MAMDC4: variants seen among roughly 807,000 people sequenced by gnomAD.
MAMDC4 encodes the protein apical endosomal glycoprotein.
In MAMDC4, 168 loss-of-function variants were observed where a neutral mutation model predicts 153.3. The observed-to-expected ratio is 1.10, with a 90% CI of 0.97 to 1.25. MAMDC4 has a LOEUF of 1.25. Among genes scored for constraint, MAMDC4 ranks in the 50% most tolerant of loss-of-function variants. The probability of loss-of-function intolerance (pLI) is 0.00; values close to 1 mark genes in which losing one functional copy is unlikely to be tolerated. For synonymous variants in MAMDC4, 744 were observed against 651.5 expected (o/e 1.14, Z -2.16); for missense variants, 1,701 against 1,542.8 (o/e 1.10, Z -1.72).
Position 136,855,003 on chromosome 9 carries a change from G to C in MAMDC4, c.1090G>C (p.Gly364Arg). The C allele has an allele frequency of 6.2e-7, 1 of 1,602,138 alleles. No homozygotes were observed. Among genetic ancestry groups the C allele is most frequent in the Non-Finnish European group, 8.5e-7 (1 of 1,176,550 alleles). Residue 364 changes from glycine to arginine, a missense_variant, in exon 10 of 27, where the codon GGG becomes CGG. Transcript: ENST00000317446. ...CCTCCAGCTGTTCCTGCAGACTCTGGGGCCCGGCGCCCCCCGGGCCCCCGT... is the reference window on the plus strand; with the variant it reads ...CCTCCAGCTGTTCCTGCAGACTCTGCGGCCCGGCGCCCCCCGGGCCCCCGT... Reference protein sequence around the residue: ...GCLQLFLQTLGPGAPRAPVLL... With the variant: ...GCLQLFLQTLRPGAPRAPVLL...
At position 136,854,287 on chromosome 9, in the gene MAMDC4, CGGG is replaced by C. The variant is rs949391839; in HGVS notation, c.749_751del (p.Gly250del). 5.0e-6 allele frequency: 8 copies of C among 1,605,730 alleles called. No individual in the cohort carries two copies. Among genetic ancestry groups the C allele is most frequent in the Non-Finnish European group, 6.8e-6 (8 of 1,176,784 alleles). On this transcript the variant is annotated inframe_deletion, in exon 7 of 27. Transcript: ENST00000317446. ...GCGTGGAGCCCCAGCAGCTGTGCGACGGGGAAGACAACTGCGGGGACCTGTCTG... is the reference window on the plus strand; with the variant it reads ...GCGTGGAGCCCCAGCAGCTGTGCGACGAAGACAACTGCGGGGACCTGTCTG...
rs752555833 is a variant in MAMDC4 at position 136,855,751 on chromosome 9, C to T, written c.1491C>T (p.Ser497=). 6.4e-7 allele frequency: 1 copy of T among 1,572,196 alleles called. No individual in the cohort carries two copies. The highest frequency in any genetic ancestry group is 8.6e-7 in the Non-Finnish European group (1 of 1,159,848). The change falls in exon 13 of 27, where the codon TCC becomes TCT. Residue 497 remains serine, a synonymous_variant. Coordinates refer to ENST00000317446, the MANE Select transcript of MAMDC4 (RefSeq NM_206920.3). ...TTCCAGGCACCACAGACTTTGAGTC[C>T]CCCGAGGCTGGGGGCTGGGAGGACG... ...EQACGTTDFE[S]PEAGGWEDAS... is the part of the protein sequence containing the mutation.
chr9:136,856,030 C>T lies in MAMDC4; in HGVS notation c.1601C>T (p.Ser534Phe), dbSNP rs905821956. ...SSAAAAGHFL[S>F]LQRAWGQLGA... ...GCTCTTCCCCTAGGGCACTTCCTGT[C>T]TCTGCAGCGGGCCTGGGGGCAGCTA... The change falls in exon 14 of 27, where the codon TCT becomes TTT. Residue 534 changes from serine (S) to phenylalanine (F), a missense_variant. Coordinates refer to ENST00000317446, the MANE Select transcript of MAMDC4 (RefSeq NM_206920.3). The T allele has an allele frequency of 1.9e-6, 3 of 1,611,382 alleles. No individual in the cohort carries two copies. The highest frequency in any genetic ancestry group is 1.1e-5 in the South Asian group (1 of 90,922).
rs757263022 is a variant in MAMDC4, at chr9:136,854,250, A to G, written c.710A>G (p.Gln237Arg). 7 of 1,611,494 alleles carry G rather than the reference A, an allele frequency of 4.3e-6. 1 individual carries two copies. In the Admixed American group the frequency reaches 1.0e-4, roughly 23 times the overall value. The change falls in exon 7 of 27, where the codon CAG becomes CGG. Residue 237 changes from glutamine to arginine, a missense_variant. By Grantham distance (43) the Gln-to-Arg change is conservative. Transcript: ENST00000317446. ...TGTCCCCCGGGACACCACCACTGCC[A>G]GAACAAGGTCTGCGTGGAGCCCCAG... ...ANCPPGHHHC[Q>R]NKVCVEPQQL...
Position 136,858,403 on chromosome 9 carries a change from C to G in MAMDC4, c.2678C>G (p.Ser893Cys). The G allele has an allele frequency of 6.2e-7, 1 of 1,602,554 alleles. No homozygotes were observed. The highest frequency in any genetic ancestry group is 1.3e-5 in the African/African-American group (1 of 75,054). The change falls in exon 22 of 27, where the codon TCC becomes TGC. Residue 893 changes from serine (S) to cysteine (C), a missense_variant. Ser to Cys is a moderately radical substitution (Grantham distance 112, BLOSUM62 -1). Coordinates refer to ENST00000317446, the MANE Select transcript of MAMDC4 (RefSeq NM_206920.3). ...LQDGPCPQPG[S>C]CDFESGLCGW... is the part of the protein sequence containing the mutation. ...CTCACCCACCCATGTCCTGCAGGTT[C>G]CTGTGATTTTGAGTCTGGCCTGTGT...
intron 1 of MAMDC4, 134 bp from the exon 2 acceptor site, chr9:136,852,968 T>G: frequency 4.1e-6 from 3 of 723,392 alleles, no homozygotes; most frequent in Non-Finnish European, 6.9e-6. Context: ...TCCCAGCCCC[T>G]CCCTGCTCCA....
At chr9:136,857,070 C>G in intron 16 of MAMDC4, 29 bp downstream of exon 16, 5 of 1,605,030 alleles carry the variant, frequency 3.1e-6, no homozygotes, top group Non-Finnish European at 4.3e-6. Flanking sequence ...AGGGCAGAGC[C>G]TGTGGGGAGG....
Position 136,858,963 on chromosome 9 carries a change from C to T in MAMDC4, c.2957-42C>T, listed in dbSNP as rs1465615598. The T allele has an allele frequency of 2.7e-6, 4 of 1,508,082 alleles. No homozygotes were observed. In the South Asian group the frequency reaches 3.9e-5, roughly 15 times the overall value. The allele number at this position is 1,508,082 out of a possible 1,614,324, so 93.4% of individuals were successfully genotyped here. A position where few individuals can be genotyped will look rare whatever the true frequency, so the allele number is the denominator to read the frequency against. On this transcript the variant is annotated intron_variant, in intron 23 of 26. Coordinates refer to ENST00000317446, the MANE Select transcript of MAMDC4 (RefSeq NM_206920.3). ...CCGCCCCTGGTTAGGCGTGCAGGAG[C>T]CCCAGGACCCCAGGCCTGACACGCC...
Position 136,858,493 on chromosome 9 carries a change from C to A in MAMDC4, c.2768C>A (p.Thr923Asn), listed in dbSNP as rs1299319498. The change falls in exon 22 of 27, where the codon ACC becomes AAC. Residue 923 changes from threonine (T) to asparagine (N), a missense_variant. By Grantham distance (65) the Thr-to-Asn change is moderately conservative. Transcript: ENST00000317446. ...GYSWDWGGGA[T>N]PSRYPQPPVD... is the part of the protein sequence containing the mutation. ...AGCTGGGACTGGGGCGGGGGAGCCA[C>A]CCCCTCTCGTTACCCCCAGCCCCCT... 3 of 1,607,442 alleles carry A rather than the reference C, an allele frequency of 1.9e-6. No individual in the cohort carries two copies. The highest frequency in any genetic ancestry group is 2.5e-6 in the Non-Finnish European group (3 of 1,178,374).
rs1054246452 is a variant in MAMDC4 at position 136,853,366 on chromosome 9, G to A, written c.236G>A (p.Ser79Asn). The A allele has an allele frequency of 1.8e-5, 29 of 1,607,344 alleles. No homozygotes were observed. The highest frequency in any genetic ancestry group is 2.5e-5 in the Non-Finnish European group (29 of 1,175,818). ...EQDPCGWRDI[S>N]TSGYSWLRDR... Reference sequence around the variant, plus strand: ...GACCCCTGCGGCTGGCGGGACATTAGTACCTCAGGCTACAGCTGGCTCCGA... The same window carrying A: ...GACCCCTGCGGCTGGCGGGACATTAATACCTCAGGCTACAGCTGGCTCCGA... The change falls in exon 3 of 27, where the codon AGT becomes AAT. Residue 79 changes from serine (S) to asparagine (N), a missense_variant. By Grantham distance (46) the Ser-to-Asn change is conservative. Coordinates refer to ENST00000317446, the MANE Select transcript of MAMDC4 (RefSeq NM_206920.3).
Position 136,856,918 on chromosome 9 carries a change from C to A in MAMDC4, c.1849C>A (p.Leu617Ile), listed in dbSNP as rs1849013877. Residue 617 changes from leucine to isoleucine, a missense_variant, in exon 16 of 27, where the codon CTC (leucine) becomes ATC (isoleucine). By Grantham distance (5) the Leu-to-Ile change is conservative. Coordinates refer to ENST00000317446, the MANE Select transcript of MAMDC4 (RefSeq NM_206920.3). ...CATGCCCCCTGCAGGCCACTTTGTG[C>A]TCCTGGACCCCACAGACCCCCTGGC... Reference protein sequence around the residue: ...DHTTGQGHFVLLDPTDPLAWG... With the variant: ...DHTTGQGHFVILDPTDPLAWG... 2 of 1,609,358 alleles carry A rather than the reference C, an allele frequency of 1.2e-6. No homozygotes were observed. The highest frequency in any genetic ancestry group is 1.7e-6 in the Non-Finnish European group (2 of 1,177,546).
At chr9:136,859,735 T>C in intron 25 of MAMDC4, 151 bp from the exon 26 acceptor site, 1 of 748,366 alleles carries the variant, frequency 1.3e-6, no homozygotes, top group South Asian at 1.8e-5. Context: ...GCCCCATCCT[T>C]GTGGTAGCAG....
chr9:136,855,475 G>A lies in MAMDC4; in HGVS notation c.1327G>A (p.Ala443Thr). 1 of 1,604,520 alleles carries A rather than the reference G, an allele frequency of 6.2e-7. No homozygotes were observed. Among genetic ancestry groups the A allele is most frequent in the South Asian group, 1.1e-5 (1 of 90,140 alleles). ...QPLPPGPRAP[A>T]PQPLPPSSRL... ...GCTGCCTCCTGGGCCCCGGGCCCCA[G>A]CCCCCCAGCCCCTGCCGCCCAGCTC... Residue 443 changes from alanine to threonine, a missense_variant, in exon 12 of 27, where the codon GCC becomes ACC. Physicochemically the swap from Ala to Thr is moderately conservative, Grantham distance 58. Coordinates refer to ENST00000317446, the MANE Select transcript of MAMDC4 (RefSeq NM_206920.3).
At chr9:136,854,400 C>G in intron 7 of MAMDC4, 64 bp downstream of exon 7, 1 of 1,495,136 alleles carries the variant, frequency 6.7e-7, no homozygotes. Context: ...GGGGCCCTGG[C>G]ACTCATCCAG....
At chr9:136,859,643 G>A in intron 25 of MAMDC4, 1 of 598,978 alleles carries the variant, frequency 1.7e-6, no homozygotes, top group Non-Finnish European at 2.9e-6. Flanking sequence ...GCCACTGACT[G>A]CTCTCACTTG....
At chr9:136,860,532 G>GAA (rs753811450) in intron 26 of MAMDC4, 30 bp from the exon 27 acceptor site, 4 of 1,589,346 alleles carry the variant, frequency 2.5e-6, no homozygotes, top group Non-Finnish European at 3.4e-6. Flanking sequence ...AGGAAAGAAA[G>GAA]AAAAAAAAAG....
In MAMDC4 at chr9:136,853,473, A is replaced by G. The variant is rs1334532070; in HGVS notation, c.328+15A>G. 2 of 1,607,444 alleles carry G rather than the reference A, an allele frequency of 1.2e-6. No homozygotes were observed. The highest frequency in any genetic ancestry group is 1.7e-6 in the Non-Finnish European group (2 of 1,176,370). On this transcript the variant is annotated intron_variant, in intron 3 of 26. Coordinates refer to ENST00000317446, the MANE Select transcript of MAMDC4 (RefSeq NM_206920.3). ...CACCGACTTGGGTGAGGCCAGGGCA[A>G]GTCTCTGTGCGCCCCTGTCCCAATA...
rs1438316028 is a variant in MAMDC4 at position 136,859,000 on chromosome 9, C to G, written c.2957-5C>G. 1.3e-6 allele frequency: 2 copies of G among 1,518,072 alleles called. No individual in the cohort carries two copies. Among genetic ancestry groups the G allele is most frequent in the East Asian group, 2.4e-5 (1 of 41,896 alleles). 94.0% of individuals were successfully genotyped at this position (1,518,072 alleles called of 1,614,324 possible). ...AGGCCTGACACGCCCTGGCCCTGCT[C>G]TCAGACAAGGGGGAGCTGAAGGTAC... is the stretch of plus-strand genomic sequence containing the variant. On this transcript the variant is annotated splice_polypyrimidine_tract_variant and splice_region_variant and intron_variant, in intron 23 of 26. Transcript: ENST00000317446.
intron 7 of MAMDC4, 36 bp from the exon 8 acceptor site, chr9:136,854,503 G>A (rs766376604): frequency 3.2e-6 from 5 of 1,581,158 alleles, no homozygotes; most frequent in Non-Finnish European, 4.3e-6. Flanking sequence ...AGGAAGCACT[G>A]CCTGGTGGCC....
Sources: gnomAD v4.1 joint callset for allele counts on GRCh38, gnomAD v4.1.1 for gene constraint, MANE v1.5 for transcripts, NCBI Gene and HGNC (gene_info 2026-07-23, HGNC 2026-07-21) for gene names.